The following KCNAB2 variants were observed in gnomAD, a reference collection of about 807,000 sequenced individuals.
KCNAB2 encodes the protein voltage-gated potassium channel subunit beta-2.
KCNAB2 carries 29 observed loss-of-function variants against 63.6 expected under a neutral mutation model. The observed-to-expected ratio is 0.46, with a 90% CI of 0.34 to 0.62. The LOEUF (loss-of-function observed/expected upper bound fraction) is 0.62, where lower values mean the gene tolerates loss of function less well. Ranked by LOEUF, KCNAB2 falls within the 20% of genes least tolerant of loss-of-function variation. The pLI is 0.01. For missense variants in KCNAB2, 359 were observed against 563.9 expected (o/e 0.64, Z 3.68); for synonymous variants, 222 against 224.2 (o/e 0.99, Z 0.09).
At chr1:6,094,365 C>T (rs984741334) in intron 10 of KCNAB2, 35 bp from the exon 11 acceptor site, 9 of 1,555,978 alleles carry the variant, frequency 5.8e-6, no homozygotes, top group East Asian at 2.3e-5. Context: ...GCCCTGGCTG[C>T]CCCCCACCTG....
chr1:6,056,939 C>G (rs771048598), intron 2 of KCNAB2, among the ~76,000 whole-genome samples: 7 of 152,000 alleles, frequency 4.6e-5, no homozygotes, highest in Non-Finnish European at 8.8e-5. Context: ...CTTCCTCACC[C>G]CTCCTCCATC....
chr1:6,072,401 C>T (rs1030789491), intron 2 of KCNAB2, among the ~76,000 whole-genome samples: 1 of 152,238 alleles, frequency 6.6e-6, no homozygotes, highest in Non-Finnish European at 1.5e-5. Context: ...AGGGGCTTCT[C>T]TGCAAGGGGC....
intron 2 of KCNAB2, among the ~76,000 whole-genome samples, chr1:6,068,888 A>C (rs986564627): frequency 3.9e-5 from 6 of 152,170 alleles, no homozygotes; most frequent in East Asian, 1.9e-4. Flanking sequence ...CTAAAGGTGC[A>C]TGGCCAGTAC....
rs910773777 is a variant in KCNAB2, at chr1:6,095,691, G to A, written c.948+67G>A. 6.9e-6 allele frequency: 10 copies of A among 1,458,080 alleles called. No homozygotes were observed. The African/African-American group carries it at 1.1e-4, about 16-fold the overall frequency. 90.3% of individuals were successfully genotyped at this position (1,458,080 alleles called of 1,614,324 possible). On this transcript the variant is annotated intron_variant, in intron 13 of 15. Transcript: ENST00000378083. Reference sequence around the variant, plus strand: ...GCATTTTGGACGGGTGGGACCTTTGGGCCGACTGCTTTGGTGCTGGGCAGG... The same window carrying A: ...GCATTTTGGACGGGTGGGACCTTTGAGCCGACTGCTTTGGTGCTGGGCAGG...
intron 1 of KCNAB2, among the ~76,000 whole-genome samples, chr1:6,039,274 G>T (rs1331381847): frequency 2.0e-5 from 3 of 152,200 alleles, no homozygotes; most frequent in African/African-American, 7.2e-5. Flanking sequence ...GAGCATAGGG[G>T]CCTGAGGGGG....
intron 1 of KCNAB2, chr1:6,040,495 C>T (rs977508892): frequency 7.8e-7 from 1 of 1,278,622 alleles, no homozygotes; most frequent in African/African-American, 1.5e-5. Context: ...TCTTCCCCTC[C>T]CTTATTTTGC....
At chr1:6,036,502 CAAAAAAA>C (rs1301748525) in intron 1 of KCNAB2, among the ~76,000 whole-genome samples, 2 of 151,140 alleles carry the variant, frequency 1.3e-5, no homozygotes, top group Non-Finnish European at 1.5e-5. Context: ...GACTCTGTCT[CAAAAAAA>C]GAAAAAAGAA....
Position 6,003,739 on chromosome 1 carries a change from C to T in KCNAB2, c.-53+10951C>T, listed in dbSNP as rs1469996739. On this transcript the variant is annotated intron_variant, in intron 1 of 16. Transcript: ENST00000341524. The surrounding 1 kb of genome is among the most constrained non-coding windows in gnomAD (Gnocchi z 4.1). ...ATAGCTCATGTCCCAGAACCAGCCACGTCTCCTCGTCGTCGTTTCACCGCA... is the reference window on the plus strand; with the variant it reads ...ATAGCTCATGTCCCAGAACCAGCCATGTCTCCTCGTCGTCGTTTCACCGCA... Among the ~76,000 whole-genome samples the T allele has an allele frequency of 5.3e-5, 8 of 152,332 alleles. No individual in the cohort carries two copies. The highest frequency in any genetic ancestry group is 4.1e-4 in the South Asian group (2 of 4,826).
Position 6,035,738 on chromosome 1 carries a change from CTCTGGGGTT to C in KCNAB2, c.-53+945_-53+953del. On this transcript the variant is annotated intron_variant, in intron 1 of 15. Transcript: ENST00000164247. This position sits in a 1 kb window ranked among gnomAD's most constrained non-coding sequence, Gnocchi z 5.0. ...AGCCACACAGGCAGGAAATAAACAG[CTCTGGGGTT>C]CAGGGGAGTGGTAGAGGGGGTGGGG... Among the ~76,000 whole-genome samples the C allele has an allele frequency of 6.6e-6, 1 of 151,736 alleles. No individual in the cohort carries two copies. The highest frequency in any genetic ancestry group is 1.5e-5 in the Non-Finnish European group (1 of 67,968).
intron 2 of KCNAB2, 105 bp from the exon 3 acceptor site, chr1:6,072,650 T>C (rs933236007): frequency 1.2e-5 from 15 of 1,234,892 alleles, no homozygotes; most frequent in African/African-American, 1.2e-4. Flanking sequence ...CAAACACACA[T>C]TGACTGTTGG....
chr1:6,060,358 A>G (rs752961208), intron 2 of KCNAB2, among the ~76,000 whole-genome samples: 4 of 152,128 alleles, frequency 2.6e-5, no homozygotes, highest in Non-Finnish European at 5.9e-5. Context: ...CTTAGCCCCT[A>G]TGGGGTCTTC....
chr1:6,088,989 C>A lies in KCNAB2; in HGVS notation c.471-19C>A. ...CCAAAACCGCTGGTGACATCACACG[C>A]GGTCGGCCTGTTTTCCAGGGCGGAG... On this transcript the variant is annotated intron_variant, in intron 7 of 15. Transcript: ENST00000378083. The A allele has an allele frequency of 6.5e-7, 1 of 1,548,748 alleles. No homozygotes were observed.
intron 2 of KCNAB2, among the ~76,000 whole-genome samples, chr1:6,063,771 T>A (rs1024590535): frequency 6.6e-6 from 1 of 152,236 alleles, no homozygotes; most frequent in South Asian, 2.1e-4. Flanking sequence ...ATCCTGTTTC[T>A]CCATTTGTCG....
intron 5 of KCNAB2, among the ~76,000 whole-genome samples, chr1:6,084,609 A>T (rs567752198): frequency 4.3e-4 from 66 of 152,256 alleles, no homozygotes; most frequent in East Asian, 2.3e-3. Context: ...CGAGATGAGG[A>T]GTTCGAGACC....
Position 6,099,715 on chromosome 1 carries a change from C to T in KCNAB2, c.*1141C>T. 7.0e-7 allele frequency: 1 copy of T among 1,425,696 alleles called. No homozygotes were observed. Among genetic ancestry groups the T allele is most frequent in the Non-Finnish European group, 9.2e-7 (1 of 1,083,020 alleles). The allele number at this position is 1,425,696 out of a possible 1,614,324, so 88.3% of individuals were successfully genotyped here. A position where few individuals can be genotyped will look rare whatever the true frequency, so the allele number is the denominator to read the frequency against. On this transcript the variant is annotated 3_prime_UTR_variant, in exon 16 of 16. Transcript: ENST00000378083. ...TGTGCCCATGACTTGGGGGCTGCAC[C>T]CCCACAGCACCCCCACAATGTAGGA...
chr1:6,040,976 G>A (rs181760578), upstream of KCNAB2, among the ~76,000 whole-genome samples: 358 of 152,346 alleles, frequency 2.3e-3, no homozygotes, highest in Non-Finnish European at 4.7e-3. Context: ...GCCAACCCCG[G>A]CATCCTGTTC....
At chr1:6,055,245 G>A (rs111750475) in intron 2 of KCNAB2, among the ~76,000 whole-genome samples, 2 of 152,144 alleles carry the variant, frequency 1.3e-5, no homozygotes, top group Admixed American at 6.5e-5. Context: ...CTGAAGCCCC[G>A]AGGAAAATGC....
intron 1 of KCNAB2, among the ~76,000 whole-genome samples, chr1:6,013,802 C>G (rs375356078): frequency 1.3e-5 from 2 of 152,182 alleles, no homozygotes; most frequent in East Asian, 3.8e-4. Flanking sequence ...CACCCACCCC[C>G]TGCTGCTGCC....
At chr1:6,098,407 G>A in intron 15 of KCNAB2, 78 bp from the exon 16 acceptor site, 2 of 1,583,998 alleles carry the variant, frequency 1.3e-6, no homozygotes, top group Non-Finnish European at 1.7e-6. Context: ...CCATCTGGAA[G>A]AGCCTGGCCC....
Sources: gnomAD v4.1 joint callset for allele counts (sites outside exome capture counted in the v4.1 genomes callset) on GRCh38, gnomAD v4.1.1 for gene constraint, Gnocchi (gnomAD v3.1) non-coding constraint, MANE v1.5 for transcripts, NCBI Gene and HGNC (gene_info 2026-07-23, HGNC 2026-07-21) for gene names.